Variants in BLTP1 observed in about 807,000 individuals in gnomAD.
BLTP1 encodes fragile site-associated protein.
the BLTP1 span, chr4:122,200,639 A>G: frequency 5.1e-6 from 5 of 978,872 alleles, no homozygotes; most frequent in Non-Finnish European, 6.1e-6. Context: ...ACTTTGTGTG[A>G]CAGTACGCAT....
the BLTP1 span, chr4:122,328,048 TTTC>T: frequency 7.8e-7 from 1 of 1,277,454 alleles, no homozygotes; most frequent in Admixed American, 2.8e-5. Context: ...TTATATATTT[TTTC>T]TTTTTTTAAT....
chr4:122,325,695 T>A, the BLTP1 span: 1 of 941,206 alleles, frequency 1.1e-6, no homozygotes, highest in Admixed American at 3.2e-5. Context: ...ATAGCAGAAA[T>A]TAGAAGGAAG....
At chr4:122,172,431 T>TA in the BLTP1 span, 1 of 440,786 alleles carries the variant, frequency 2.3e-6, no homozygotes, top group Non-Finnish European at 3.0e-6. Context: ...ATACTTTCAT[T>TA]AAAAAAATAA....
At chr4:122,240,231 G>T in the BLTP1 span, 1 of 1,614,140 alleles carries the variant, frequency 6.2e-7, no homozygotes, top group Non-Finnish European at 8.5e-7. Flanking sequence ...TAATTGGTCA[G>T]TTAAGCACCC....
chr4:122,207,059 C>T, the BLTP1 span: 1 of 1,520,388 alleles, frequency 6.6e-7, no homozygotes, highest in East Asian at 2.4e-5. Context: ...TTTTACTTTT[C>T]TGAGTTTCAA....
chr4:122,245,302 CTG>C, the BLTP1 span, among the ~76,000 whole-genome samples: 1 of 152,030 alleles, frequency 6.6e-6, no homozygotes, highest in African/African-American at 2.4e-5. Context: ...GGACATATAA[CTG>C]TACTATAGAT....
At chr4:122,188,813 A>G in the BLTP1 span, 2 of 302,416 alleles carry the variant, frequency 6.6e-6, no homozygotes, top group East Asian at 1.7e-4. Context: ...ACAGTGTCTC[A>G]GCTTTTATCT....
the BLTP1 span, chr4:122,192,247 CAG>C: frequency 6.2e-7 from 1 of 1,612,184 alleles, no homozygotes; most frequent in Non-Finnish European, 8.5e-7. Context: ...CCGGAAGAAA[CAG>C]AAGAAAATAT....
At chr4:122,347,683 A>G in the BLTP1 span, 2 of 1,613,866 alleles carry the variant, frequency 1.2e-6, no homozygotes, top group Admixed American at 3.3e-5. Flanking sequence ...GCATATGACA[A>G]ACAGCACCAT....
the BLTP1 span, chr4:122,286,426 A>G: frequency 1.3e-6 from 2 of 1,501,036 alleles, no homozygotes; most frequent in African/African-American, 2.8e-5. Context: ...CATATATTTC[A>G]AGATAGGTTT....
chr4:122,258,651 T>C, the BLTP1 span: 1 of 1,558,394 alleles, frequency 6.4e-7, no homozygotes. Flanking sequence ...TGATGTTTCA[T>C]GAAAATGTGT....
chr4:122,350,154 T>A, the BLTP1 span: 2 of 1,492,104 alleles, frequency 1.3e-6, no homozygotes, highest in Non-Finnish European at 1.8e-6. Flanking sequence ...ATAATAATAA[T>A]CTGTATGCCC....
the BLTP1 span, chr4:122,347,708 T>G: frequency 6.2e-7 from 1 of 1,613,792 alleles, no homozygotes; most frequent in South Asian, 1.1e-5. Flanking sequence ...CCAGGGACAG[T>G]AGGACAGAGC....
At chr4:122,348,670 G>A in the BLTP1 span, 4 of 1,611,758 alleles carry the variant, frequency 2.5e-6, no homozygotes, top group South Asian at 1.1e-5. Flanking sequence ...TCAACTTGAA[G>A]CAATTAAACG....
the BLTP1 span, chr4:122,330,895 G>T: frequency 1.6e-6 from 1 of 611,712 alleles, no homozygotes; most frequent in Non-Finnish European, 2.0e-6. Context: ...TAACATAAGG[G>T]TTCAATTTCA....
chr4:122,257,701 A>T, the BLTP1 span, among the ~76,000 whole-genome samples: 3 of 152,224 alleles, frequency 2.0e-5, no homozygotes, highest in African/African-American at 7.2e-5. Context: ...TTTAGATATT[A>T]CATACTTGTT....
At chr4:122,207,695 C>A in the BLTP1 span, 1 of 1,379,898 alleles carries the variant, frequency 7.2e-7, no homozygotes, top group South Asian at 1.2e-5. Flanking sequence ...ATTTGATTTC[C>A]CAAAGCTTAT....
the BLTP1 span, chr4:122,212,181 C>A: frequency 2.9e-6 from 1 of 343,436 alleles, no homozygotes; most frequent in Non-Finnish European, 4.1e-6. Flanking sequence ...AGGTATATAG[C>A]ATCTCAATAT....
the BLTP1 span, chr4:122,254,302 T>C: frequency 6.2e-7 from 1 of 1,613,540 alleles, no homozygotes; most frequent in Non-Finnish European, 8.5e-7. Flanking sequence ...GGTTTAGTTT[T>C]GCAGCTCCCA....
Sources: allele counts gnomAD v4.1 joint callset (sites outside exome capture counted in the v4.1 genomes callset), GRCh38; gene constraint gnomAD v4.1.1; transcripts MANE v1.5; gene names NCBI Gene and HGNC (gene_info 2026-07-23, HGNC 2026-07-21).